The following ZC3H3 variants were observed in gnomAD, a reference collection of about 807,000 sequenced individuals.
The protein encoded by ZC3H3 is zinc finger CCCH-type containing 3.
A neutral mutation model predicts 77.3 loss-of-function variants in ZC3H3; 36 were observed. The observed-to-expected ratio is 0.47, with a 90% CI of 0.36 to 0.61. The LOEUF is 0.61. Ranked by LOEUF, ZC3H3 falls within the 20% of genes least tolerant of loss-of-function variation. ZC3H3 has a pLI of 0.00. For missense variants in ZC3H3, 1,331 were observed against 1,312.2 expected, an observed-to-expected ratio of 1.01 and a Z score of -0.22; for synonymous variants, 626 against 555.2, an observed-to-expected ratio of 1.13 and a Z score of -1.79.
chr8:143,492,323 C>T (rs1462307419), intron 4 of ZC3H3, among the ~76,000 whole-genome samples: 1 of 152,022 alleles, frequency 6.6e-6, no homozygotes, highest in Non-Finnish European at 1.5e-5. Context: ...GGGGGGGATC[C>T]GGTGGCGGCC....
At chr8:143,532,774 G>A (rs1439336002) in intron 3 of ZC3H3, among the ~76,000 whole-genome samples, 1 of 152,220 alleles carries the variant, frequency 6.6e-6, no homozygotes, top group African/African-American at 2.4e-5. Context: ...CTTGCAGGAG[G>A]GCACCTGGGG....
intron 5 of ZC3H3, among the ~76,000 whole-genome samples, chr8:143,469,406 C>A (rs1292234141): frequency 1.3e-5 from 2 of 152,236 alleles, no homozygotes; most frequent in African/African-American, 4.8e-5. Flanking sequence ...TGCCCAGCTG[C>A]CCACTGCAGC....
chr8:143,442,918 G>A (rs1819783315), intron 9 of ZC3H3, among the ~76,000 whole-genome samples: 1 of 152,196 alleles, frequency 6.6e-6, no homozygotes, highest in Admixed American at 6.5e-5. Flanking sequence ...ATCCATGTCT[G>A]TACTGGACAG....
rs576668905 is a variant in ZC3H3, at chr8:143,472,413, C to T, written c.1903+2985G>A. Among the ~76,000 whole-genome samples the T allele has an allele frequency of 5.1e-4, 77 of 152,338 alleles. 1 individual carries two copies. Among genetic ancestry groups the T allele is most frequent in the South Asian group, 4.8e-3 (23 of 4,832 alleles). On this transcript the variant is annotated intron_variant, in intron 5 of 11. Coordinates refer to ENST00000262577, the MANE Select transcript of ZC3H3 (RefSeq NM_015117.3). ...GTGTAAATGGCAAGGCGAGATTCTG[C>T]GGAGCTCAGCACTTGGCACCGACGG...
intron 9 of ZC3H3, among the ~76,000 whole-genome samples, chr8:143,446,553 C>T (rs945681895): frequency 3.9e-5 from 6 of 152,308 alleles, no homozygotes; most frequent in South Asian, 2.1e-4. Flanking sequence ...TTTCCAGAAG[C>T]GAAGACACAA....
At chr8:143,515,490 C>G (rs1436232202) in intron 3 of ZC3H3, among the ~76,000 whole-genome samples, 1 of 152,254 alleles carries the variant, frequency 6.6e-6, no homozygotes, top group East Asian at 1.9e-4. Flanking sequence ...ATAGTGGGCA[C>G]CACGGGAGGC....
At chr8:143,442,943 C>A (rs556886421) in intron 9 of ZC3H3, among the ~76,000 whole-genome samples, 1 of 152,258 alleles carries the variant, frequency 6.6e-6, no homozygotes, top group East Asian at 1.9e-4. Flanking sequence ...GATGAGAACC[C>A]TCCTGCAGAA....
chr8:143,530,723 T>C lies in ZC3H3; in HGVS notation c.1561+5534A>G, dbSNP rs897848329. On this transcript the variant is annotated intron_variant, in intron 3 of 11. Coordinates refer to ENST00000262577, the MANE Select transcript of ZC3H3 (RefSeq NM_015117.3). The surrounding 1 kb of genome is among the most constrained non-coding windows in gnomAD (Gnocchi z 4.3). ...CACCACAGTGAGAGCCTGGCCACAG[T>C]GCTCAGCCGTGTGTACTGTAAACAC... Among the ~76,000 whole-genome samples, 3 of 152,188 alleles carry C rather than the reference T, an allele frequency of 2.0e-5. No individual in the cohort carries two copies. Among genetic ancestry groups the C allele is most frequent in the African/African-American group, 7.2e-5 (3 of 41,450 alleles).
chr8:143,524,404 A>AG (rs928973504), intron 3 of ZC3H3, among the ~76,000 whole-genome samples: 1 of 152,238 alleles, frequency 6.6e-6, no homozygotes, highest in Non-Finnish European at 1.5e-5. Flanking sequence ...CTGGAAGCGC[A>AG]GGACAGCCTC....
At chr8:143,504,770 T>C (rs1283477837) in intron 4 of ZC3H3, among the ~76,000 whole-genome samples, 1 of 152,136 alleles carries the variant, frequency 6.6e-6, no homozygotes, top group Non-Finnish European at 1.5e-5. Flanking sequence ...CAGAGCCCCC[T>C]GGGCCTCACT....
intron 1 of ZC3H3, among the ~76,000 whole-genome samples, 161 bp from the exon 2 acceptor site, chr8:143,539,481 G>A (rs1260231559): frequency 2.0e-5 from 3 of 152,172 alleles, no homozygotes; most frequent in African/African-American, 4.8e-5. Flanking sequence ...GGGACTCACT[G>A]ACAACTCAGC....
At chr8:143,455,218 A>C (rs1414618254) in intron 9 of ZC3H3, among the ~76,000 whole-genome samples, 3 of 152,038 alleles carry the variant, frequency 2.0e-5, no homozygotes, top group African/African-American at 7.2e-5. Context: ...GGAGGCTGAA[A>C]AAGGAGAATC....
At chr8:143,492,712 G>A (rs1425063078) in intron 4 of ZC3H3, among the ~76,000 whole-genome samples, 4 of 151,048 alleles carry the variant, frequency 2.6e-5, no homozygotes, top group East Asian at 2.0e-4. Flanking sequence ...TCAGGGTCCC[G>A]TGTCCTGGCC....
intron 3 of ZC3H3, among the ~76,000 whole-genome samples, chr8:143,524,591 G>C (rs1032188456): frequency 9.2e-5 from 14 of 152,248 alleles, no homozygotes; most frequent in African/African-American, 3.4e-4. Context: ...GGTCAAGGAA[G>C]CGGCCAACAG....
At position 143,520,015 on chromosome 8, in the gene ZC3H3, C is replaced by T. The variant is rs1018919561; in HGVS notation, c.1562-12116G>A. ...GCCTGGCAGGACTGGAACAGCACTG[C>T]TCGCCCCACCCACCTCCTTCCCACA... On this transcript the variant is annotated intron_variant, in intron 3 of 11. Transcript: ENST00000262577. 2.0e-5 allele frequency among the ~76,000 whole-genome samples: 3 copies of T among 152,208 alleles called. No homozygotes were observed. The East Asian group carries it at 5.8e-4, about 29-fold the overall frequency.
chr8:143,524,569 C>T (rs1002069788), intron 3 of ZC3H3, among the ~76,000 whole-genome samples: 3 of 152,254 alleles, frequency 2.0e-5, no homozygotes, highest in African/African-American at 4.8e-5. Flanking sequence ...GCAGGCAAGT[C>T]GCACAGAGGT....
chr8:143,523,459 A>T, intron 3 of ZC3H3: 12 of 985,360 alleles, frequency 1.2e-5, no homozygotes, highest in Non-Finnish European at 1.1e-5. Flanking sequence ...GTTTGCAGCC[A>T]TCTTGGAAGA....
intron 3 of ZC3H3, among the ~76,000 whole-genome samples, chr8:143,518,888 G>A (rs1822148824): frequency 1.3e-5 from 2 of 152,246 alleles, no homozygotes; most frequent in African/African-American, 2.4e-5. Context: ...GGCCTTGACC[G>A]GGGTGGCACC....
chr8:143,438,550 G>A (rs1037397680), intron 11 of ZC3H3, among the ~76,000 whole-genome samples: 5 of 152,178 alleles, frequency 3.3e-5, no homozygotes, highest in Non-Finnish European at 7.4e-5. Flanking sequence ...TGGCGGGGAG[G>A]GGCAGGAGCA....
Sources: allele counts gnomAD v4.1 joint callset (sites outside exome capture counted in the v4.1 genomes callset), GRCh38; gene constraint gnomAD v4.1.1; non-coding constraint Gnocchi (gnomAD v3.1); transcripts MANE v1.5; gene names NCBI Gene and HGNC (gene_info 2026-07-23, HGNC 2026-07-21).